Variants in HEATR4 observed in about 807,000 individuals in gnomAD.
The protein encoded by HEATR4 is HEAT repeat containing 4, also known as HEAT repeat-containing protein 4.
Under a neutral mutation model 108.8 loss-of-function variants are expected in HEATR4, and 95 were observed. The observed-to-expected ratio is 0.87, with a 90% CI of 0.74 to 1.04. HEATR4 has a LOEUF of 1.04. HEATR4 is among the 50% of genes least tolerant of loss of function. The pLI is 0.00. For missense variants in HEATR4, 1,152 were observed against 1,253.8 expected (o/e 0.92, Z 1.23); for synonymous variants, 443 against 459.4 (o/e 0.96, Z 0.46).
At chr14:73,606,022 A>G in the HEATR4 span, among the ~76,000 whole-genome samples, 1 of 152,158 alleles carries the variant, frequency 6.6e-6, no homozygotes, top group Admixed American at 6.6e-5. Flanking sequence ...GAACTGACTC[A>G]GTGCAAAAGA....
chr14:73,618,306 T>C, the HEATR4 span, among the ~76,000 whole-genome samples: 1 of 152,222 alleles, frequency 6.6e-6, no homozygotes. Context: ...CCTAGTGCTC[T>C]TGGGATCCGG....
At chr14:73,568,505 T>C in the HEATR4 span, among the ~76,000 whole-genome samples, 1 of 151,790 alleles carries the variant, frequency 6.6e-6, no homozygotes, top group Non-Finnish European at 1.5e-5. Context: ...GGTTTGTAAG[T>C]GCAGTGATGG....
the HEATR4 span, among the ~76,000 whole-genome samples, chr14:73,587,871 CAT>C: frequency 6.6e-6 from 1 of 152,184 alleles, no homozygotes; most frequent in Non-Finnish European, 1.5e-5. Context: ...TTTTCCAACA[CAT>C]ATTTTATGTC....
chr14:73,605,767 C>G, the HEATR4 span, among the ~76,000 whole-genome samples: 2 of 151,768 alleles, frequency 1.3e-5, no homozygotes, highest in Non-Finnish European at 2.9e-5. Flanking sequence ...GACAGGGTTT[C>G]ACCACATTGG....
chr14:73,569,377 G>A, the HEATR4 span: 1 of 1,613,986 alleles, frequency 6.2e-7, no homozygotes. Flanking sequence ...CAGTTCCTGG[G>A]GTCTCCACAG....
the HEATR4 span, chr14:73,569,589 G>C: frequency 1.2e-6 from 2 of 1,601,296 alleles, no homozygotes; most frequent in East Asian, 4.5e-5. Flanking sequence ...CTACCGCGCC[G>C]ACACTCTTGG....
At chr14:73,566,561 G>A in the HEATR4 span, among the ~76,000 whole-genome samples, 19 of 152,204 alleles carry the variant, frequency 1.2e-4, 1 homozygote, top group Non-Finnish European at 2.1e-4. Flanking sequence ...CACACCCTCC[G>A]CAGCCGCTGG....
At chr14:73,619,087 A>ATG in the HEATR4 span, 3 of 1,002,554 alleles carry the variant, frequency 3.0e-6, no homozygotes, top group Non-Finnish European at 4.2e-6. Context: ...CCAAGATTGC[A>ATG]CCACTGCACT....
At chr14:73,568,090 G>A in the HEATR4 span, 2 of 152,174 alleles carry the variant, frequency 1.3e-5, no homozygotes, top group East Asian at 1.9e-4. Context: ...TACTTCCTGA[G>A]AGTTCTAGGC....
intron 6 of HEATR4, 71 bp downstream of exon 6, chr14:73,513,960 G>A (rs1887429001): frequency 6.8e-7 from 1 of 1,479,002 alleles, no homozygotes; most frequent in South Asian, 1.1e-5. Context: ...TTCAAAGACT[G>A]AGAAAGCCTA....
chr14:73,553,426 A>T (rs138338828), intron 1 of HEATR4, among the ~76,000 whole-genome samples: 1,990 of 112,188 alleles, frequency 0.018, 289 homozygotes, highest in Non-Finnish European at 0.028. Context: ...CAGGAGAATC[A>T]CTTGGAACCC....
the HEATR4 span, among the ~76,000 whole-genome samples, chr14:73,567,176 A>G: frequency 1.3e-5 from 2 of 151,874 alleles, no homozygotes; most frequent in African/African-American, 4.8e-5. Flanking sequence ...GCCTTAAGCA[A>G]CCCTGCCACC....
At chr14:73,564,434 G>A in the HEATR4 span, among the ~76,000 whole-genome samples, 7 of 151,630 alleles carry the variant, frequency 4.6e-5, no homozygotes, top group South Asian at 2.1e-4. Context: ...GGGAGACCCC[G>A]TCTGTACAAA....
At chr14:73,608,044 C>G in the HEATR4 span, among the ~76,000 whole-genome samples, 1 of 152,094 alleles carries the variant, frequency 6.6e-6, no homozygotes, top group African/African-American at 2.4e-5. Flanking sequence ...CCTGCCTCAG[C>G]CTCCCGAGTA....
chr14:73,598,404 AAGAG>A, the HEATR4 span, among the ~76,000 whole-genome samples: 8 of 150,864 alleles, frequency 5.3e-5, no homozygotes, highest in Admixed American at 3.3e-4. Context: ...AAAAAAAAAA[AAGAG>A]AGAGATGGGA....
At chr14:73,619,563 G>A in the HEATR4 span, 1 of 1,614,224 alleles carries the variant, frequency 6.2e-7, no homozygotes. Context: ...AAAGCTGGAA[G>A]AGTGAATTCT....
At chr14:73,529,692 G>T (rs113218319) in intron 2 of HEATR4, among the ~76,000 whole-genome samples, 5,410 of 152,292 alleles carry the variant, frequency 0.036, 138 homozygotes, top group Non-Finnish European at 0.057. Flanking sequence ...CCTCTGGTCT[G>T]ATACCTTTAT....
chr14:73,522,440 C>T lies in HEATR4; in HGVS notation c.713G>A (p.Arg238His), dbSNP rs780179541. 18 of 1,614,106 alleles carry T rather than the reference C, an allele frequency of 1.1e-5. No homozygotes were observed. Among genetic ancestry groups the T allele is most frequent in the East Asian group, 6.7e-5 (3 of 44,900 alleles). Residue 238 changes from arginine to histidine, a missense_variant, in exon 3 of 18, where the codon CGC (arginine) becomes CAC (histidine). Physicochemically the swap from Arg to His is conservative, Grantham distance 29 (BLOSUM62 0). Transcript: ENST00000553558. ...AATGTGACTCCAGTCGTACTGCTGG[C>T]GCAGGAAGCTCTGCCACTTGTTGGG... is the stretch of plus-strand genomic sequence containing the variant. ...ASPNKWQSFL[R>H]QQYDWSHIRD...
intron 7 of HEATR4, among the ~76,000 whole-genome samples, chr14:73,510,133 T>C (rs1044445460): frequency 6.6e-5 from 10 of 151,704 alleles, no homozygotes; most frequent in African/African-American, 2.4e-4. Context: ...AGTGCTGGGA[T>C]TACAGACGTG....
Sources: gnomAD v4.1 joint callset for allele counts (sites outside exome capture counted in the v4.1 genomes callset) on GRCh38, gnomAD v4.1.1 for gene constraint, MANE v1.5 for transcripts, NCBI Gene and HGNC (gene_info 2026-07-23, HGNC 2026-07-21) for gene names.